ARID5A: variants seen among roughly 807,000 people sequenced by gnomAD.
ARID5A encodes AT-rich interaction domain 5A, also known as AT-rich interactive domain-containing protein 5A.
A neutral mutation model predicts 30.5 loss-of-function variants in ARID5A; 14 were observed. The observed-to-expected ratio is 0.46, with a 90% confidence interval of 0.30 to 0.72. The LOEUF (loss-of-function observed/expected upper bound fraction) is 0.72, where lower values mean the gene tolerates loss of function less well. ARID5A is among the 30% of genes least tolerant of loss of function. The pLI, the probability that ARID5A is intolerant of heterozygous loss-of-function variation, is 0.07. For missense variants in ARID5A, 669 were observed against 786.2 expected, an observed-to-expected ratio of 0.85 and a Z score of 1.78; for synonymous variants, 338 against 340.4, an observed-to-expected ratio of 0.99 and a Z score of 0.08.
At chr2:96,536,917 CTCGTGGCAG>C in intron 1 of ARID5A, 87 bp downstream of exon 1, 1 of 1,218,556 alleles carries the variant, frequency 8.2e-7, no homozygotes, top group East Asian at 3.2e-5. Context: ...CCCTCCAGCC[CTCGTGGCAG>C]TCGGTGCGCT....
At chr2:96,541,817 C>T (rs2065850216) in intron 1 of ARID5A, among the ~76,000 whole-genome samples, 1 of 152,198 alleles carries the variant, frequency 6.6e-6, no homozygotes, top group Non-Finnish European at 1.5e-5. Context: ...GGCATTGTGC[C>T]AGAAAAGAAT....
chr2:96,550,707 G>A lies in ARID5A; in HGVS notation c.544G>A (p.Ala182Thr), dbSNP rs775911272. 1 of 1,590,776 alleles carries A rather than the reference G, an allele frequency of 6.3e-7. No individual in the cohort carries two copies. The highest frequency in any genetic ancestry group is 1.1e-5 in the South Asian group (1 of 87,052). ...DDGATERPKK[A>T]KEERRMDQMM... The stretch of plus-strand genomic sequence containing the variant: ...TGGGGCCACCGAGAGGCCGAAGAAG[G>A]CCAAGGAGGAGCGGCGCATGGACCA... The change falls in exon 6 of 7, where the codon GCC (alanine) becomes ACC (threonine). Residue 182 changes from alanine to threonine, a missense_variant. Transcript: ENST00000357485. This position sits in a 1 kb window ranked among gnomAD's most constrained non-coding sequence, Gnocchi z 6.6.
rs760382722 is a variant in ARID5A, at chr2:96,552,612, A to G, written c.*299A>G. The G allele has an allele frequency of 2.3e-5, 33 of 1,435,560 alleles. No homozygotes were observed. In the South Asian group the frequency reaches 4.2e-4, roughly 18 times the overall value. The allele number at this position is 1,435,560 out of a possible 1,614,324, so 88.9% of individuals were successfully genotyped here. ...CCAGGTTGCCCACGGAAAATCCAAT[A>G]AAAAGACACCAGTGTGAATCCACGT... On this transcript the variant is annotated 3_prime_UTR_variant, in exon 7 of 7. Transcript: ENST00000357485.
At position 96,550,063 on chromosome 2, in the gene ARID5A, T is replaced by TG; in HGVS notation, c.313-124dup. On this transcript the variant is annotated intron_variant, in intron 4 of 6. Transcript: ENST00000357485. This position sits in a 1 kb window ranked among gnomAD's most constrained non-coding sequence, Gnocchi z 6.6. ...CTAGGAGAGAGAATCGGCTGGCCGC[T>TG]GCTGGAGCCGCAGAGCAGCTGCCAA... 3.9e-6 allele frequency: 6 copies of TG among 1,532,442 alleles called. No individual in the cohort carries two copies. The highest frequency in any genetic ancestry group is 4.4e-6 in the Non-Finnish European group (5 of 1,145,722). The allele number at this position is 1,532,442 out of a possible 1,614,324, so 94.9% of individuals were successfully genotyped here.
chr2:96,550,222 A>G lies in ARID5A; in HGVS notation c.347A>G (p.Asp116Gly). The change falls in exon 5 of 7, where the codon GAC (aspartate) becomes GGC (glycine). Residue 116 changes from aspartate to glycine, a missense_variant. By Grantham distance (94) the Asp-to-Gly change is moderately conservative (BLOSUM62 -1). Coordinates refer to ENST00000357485, the MANE Select transcript of ARID5A (RefSeq NM_212481.3). This position sits in a 1 kb window ranked among gnomAD's most constrained non-coding sequence, Gnocchi z 6.6. The part of the protein sequence containing the change: ...TGRRLWKNVY[D>G]ELGGSPGSTS... Reference sequence around the variant, plus strand: ...CGCCGCCTCTGGAAGAACGTGTACGACGAGCTGGGGGGCAGCCCAGGCAGC... The same window carrying G: ...CGCCGCCTCTGGAAGAACGTGTACGGCGAGCTGGGGGGCAGCCCAGGCAGC... The G allele has an allele frequency of 6.5e-7, 1 of 1,534,148 alleles. No individual in the cohort carries two copies. The highest frequency in any genetic ancestry group is 8.8e-7 in the Non-Finnish European group (1 of 1,142,028).
chr2:96,540,126 C>G (rs548312427), intron 1 of ARID5A, among the ~76,000 whole-genome samples: 1 of 152,172 alleles, frequency 6.6e-6, no homozygotes, highest in Non-Finnish European at 1.5e-5. Flanking sequence ...TATGAGATGC[C>G]TAGCCCACAC....
chr2:96,550,073 G>GC lies in ARID5A; in HGVS notation c.313-114dup, dbSNP rs2066000518. On this transcript the variant is annotated intron_variant, in intron 4 of 6. Coordinates refer to ENST00000357485, the MANE Select transcript of ARID5A (RefSeq NM_212481.3). The surrounding 1 kb of genome is among the most constrained non-coding windows in gnomAD (Gnocchi z 6.6). ...GAATCGGCTGGCCGCTGCTGGAGCC[G>GC]CAGAGCAGCTGCCAAACTGCAGTCC... 5.2e-6 allele frequency: 8 copies of GC among 1,531,882 alleles called. No individual in the cohort carries two copies. The South Asian group carries it at 8.4e-5, about 16-fold the overall frequency. The allele number at this position is 1,531,882 out of a possible 1,614,324, so 94.9% of individuals were successfully genotyped here. A position where few individuals can be genotyped will look rare whatever the true frequency, so the allele number is the denominator to read the frequency against.
Position 96,552,206 on chromosome 2 carries a change from G to C in ARID5A, c.1678G>C (p.Asp560His). Residue 560 changes from aspartate to histidine, a missense_variant, in exon 7 of 7, where the codon GAC becomes CAC. Around this residue, in one of 4 missense-constraint regions of ARID5A, gnomAD observed 548 missense variants for 577.4 expected, o/e 0.95. Transcript: ENST00000357485. ...GLMHFPPTSFDSALRHRLCPA... is the reference protein window; with the variant it reads ...GLMHFPPTSFHSALRHRLCPA... ...GATGCACTTCCCCCCAACGTCCTTC[G>C]ACAGTGCCCTCCGCCACAGACTTTG... The C allele has an allele frequency of 6.2e-7, 1 of 1,613,460 alleles. No homozygotes were observed. Among genetic ancestry groups the C allele is most frequent in the South Asian group, 1.1e-5 (1 of 91,056 alleles).
chr2:96,549,301 G>C lies in ARID5A; in HGVS notation c.121-20G>C. 1.2e-6 allele frequency: 2 copies of C among 1,604,836 alleles called. No individual in the cohort carries two copies. Among genetic ancestry groups the C allele is most frequent in the Non-Finnish European group, 1.7e-6 (2 of 1,175,988 alleles). ...GCCACCAACTGGGGCCCATCCCAAT[G>C]CCTCCTGTTCTCTCCCCAGGACTCC... On this transcript the variant is annotated intron_variant, in intron 2 of 6. Coordinates refer to ENST00000357485, the MANE Select transcript of ARID5A (RefSeq NM_212481.3). This position sits in a 1 kb window ranked among gnomAD's most constrained non-coding sequence, Gnocchi z 6.1.
At chr2:96,548,110 C>A (rs2065961119) in intron 2 of ARID5A, among the ~76,000 whole-genome samples, 1 of 152,164 alleles carries the variant, frequency 6.6e-6, no homozygotes, top group African/African-American at 2.4e-5. Context: ...CTGCACAGAC[C>A]AGCCCCAGGG....
chr2:96,541,782 C>T (rs1240953947), intron 1 of ARID5A, among the ~76,000 whole-genome samples: 4 of 152,256 alleles, frequency 2.6e-5, no homozygotes, highest in Non-Finnish European at 5.9e-5. Context: ...TGATCCCCCA[C>T]TTCTGTTACA....
At position 96,546,675 on chromosome 2, in the gene ARID5A, G is replaced by A. The variant is rs114890589; in HGVS notation, c.5-727G>A. 3.5e-3 allele frequency among the ~76,000 whole-genome samples: 536 copies of A among 152,356 alleles called. 6 individuals carry two copies. Among genetic ancestry groups the A allele is most frequent in the Admixed American group, 0.011 (172 of 15,304 alleles). ...GCCAGAGGAGGCCACCCAGAGGAAG[G>A]CACTTGTCAGCAGAGACCTGAGGGG... On this transcript the variant is annotated intron_variant, in intron 1 of 6. Coordinates refer to ENST00000357485, the MANE Select transcript of ARID5A (RefSeq NM_212481.3).
At position 96,537,413 on chromosome 2, in the gene ARID5A, C is replaced by T. The variant is rs914472288; in HGVS notation, c.4+583C>T. ...GCGCTTTGTAGGATCCACTGTTCCT[C>T]TTTCGGCCGCGGGCTGCGCCGATGG... On this transcript the variant is annotated intron_variant, in intron 1 of 6. Transcript: ENST00000357485. This position sits in a 1 kb window ranked among gnomAD's most constrained non-coding sequence, Gnocchi z 4.8. The T allele has an allele frequency of 1.3e-5, 2 of 152,610 alleles. No individual in the cohort carries two copies. The highest frequency in any genetic ancestry group is 3.9e-4 in the East Asian group (2 of 5,178). The allele number at this position is 152,610 out of a possible 1,614,324, so 9.5% of individuals were successfully genotyped here.
In ARID5A at chr2:96,537,897, G is replaced by A; in HGVS notation, c.4+1067G>A. On this transcript the variant is annotated intron_variant, in intron 1 of 6. Coordinates refer to ENST00000357485, the MANE Select transcript of ARID5A (RefSeq NM_212481.3). This position sits in a 1 kb window ranked among gnomAD's most constrained non-coding sequence, Gnocchi z 4.8. ...TTGCAGAGTCTTGGGCCAGTAAGGA[G>A]TGCTCCGCGGGCCCCAGGGGAGGAC... The A allele has an allele frequency of 5.1e-6, 5 of 985,536 alleles. No homozygotes were observed. The highest frequency in any genetic ancestry group is 6.0e-6 in the Non-Finnish European group (5 of 830,004). 61.0% of individuals were successfully genotyped at this position (985,536 alleles called of 1,614,324 possible).
intron 1 of ARID5A, among the ~76,000 whole-genome samples, chr2:96,542,332 G>C (rs1253774031): frequency 6.6e-6 from 1 of 152,190 alleles, no homozygotes; most frequent in African/African-American, 2.4e-5. Context: ...TTCATCTGGG[G>C]ACTCAGCTGG....
chr2:96,549,551 C>T lies in ARID5A; in HGVS notation c.259+92C>T. ...GCAGGCACTCCCACTCTGGGTGACC[C>T]AGGTTGCAGATAGAAAGGAGGCCTC... On this transcript the variant is annotated intron_variant, in intron 3 of 6. Coordinates refer to ENST00000357485, the MANE Select transcript of ARID5A (RefSeq NM_212481.3). The surrounding 1 kb of genome is among the most constrained non-coding windows in gnomAD (Gnocchi z 6.1). 6 of 1,547,700 alleles carry T rather than the reference C, an allele frequency of 3.9e-6. No homozygotes were observed. The highest frequency in any genetic ancestry group is 5.3e-6 in the Non-Finnish European group (6 of 1,134,194).
At position 96,552,531 on chromosome 2, in the gene ARID5A, A is replaced by G; in HGVS notation, c.*218A>G. ...CAGGAGCAGAGGACCCAGTTGTTAT[A>G]AGGCGCTGGGAGAGGATGGGCAGCT... On this transcript the variant is annotated 3_prime_UTR_variant, in exon 7 of 7. Coordinates refer to ENST00000357485, the MANE Select transcript of ARID5A (RefSeq NM_212481.3). 1.3e-6 allele frequency: 2 copies of G among 1,530,556 alleles called. No homozygotes were observed. The highest frequency in any genetic ancestry group is 1.7e-6 in the Non-Finnish European group (2 of 1,143,762). 94.8% of individuals were successfully genotyped at this position (1,530,556 alleles called of 1,614,324 possible). A position where few individuals can be genotyped will look rare whatever the true frequency, so the allele number is the denominator to read the frequency against.
Position 96,550,676 on chromosome 2 carries a change from G to C in ARID5A, c.513G>C (p.Gly171=). The C allele has an allele frequency of 6.3e-7, 1 of 1,598,806 alleles. No homozygotes were observed. Among genetic ancestry groups the C allele is most frequent in the Non-Finnish European group, 8.5e-7 (1 of 1,173,558 alleles). The part of the protein sequence containing the change: ...KQYKMAKENR[G]DDGATERPKK... The stretch of plus-strand genomic sequence containing the variant: ...ACAAGATGGCTAAGGAGAACAGGGG[G>C]GATGATGGGGCCACCGAGAGGCCGA... The change falls in exon 6 of 7, where the codon GGG becomes GGC. Residue 171 remains glycine, a synonymous_variant. Transcript: ENST00000357485. This position sits in a 1 kb window ranked among gnomAD's most constrained non-coding sequence, Gnocchi z 6.6.
chr2:96,536,805 C>T lies in ARID5A; in HGVS notation c.-22C>T. 1.6e-6 allele frequency: 2 copies of T among 1,213,652 alleles called. No homozygotes were observed. Among genetic ancestry groups the T allele is most frequent in the African/African-American group, 1.6e-5 (1 of 63,502 alleles). The allele number at this position is 1,213,652 out of a possible 1,614,324, so 75.2% of individuals were successfully genotyped here. The stretch of plus-strand genomic sequence containing the variant: ...CGCGCGCTGAGGGTCTCGGGGCGGG[C>T]GCCGCGGGACCTCTCCGGGCCATGG... On this transcript the variant is annotated 5_prime_UTR_variant, in exon 1 of 7. Transcript: ENST00000357485.
Sources: gnomAD v4.1 joint callset for allele counts (sites outside exome capture counted in the v4.1 genomes callset) on GRCh38, gnomAD v4.1.1 for gene constraint, gnomAD v4.1.1 regional missense constraint, Gnocchi (gnomAD v3.1) non-coding constraint, MANE v1.5 for transcripts, NCBI Gene and HGNC (gene_info 2026-07-23, HGNC 2026-07-21) for gene names.